The following GALNT13 variants were observed in gnomAD, a reference collection of about 807,000 sequenced individuals.
GALNT13 encodes the protein UDP-GalNAc:polypeptide N-acetylgalactosaminyltransferase 13.
Under a neutral mutation model 64.2 loss-of-function variants are expected in GALNT13, and 28 were observed. The ratio of observed to expected loss-of-function variants is 0.44; its 90% CI spans 0.32 to 0.60. GALNT13 has a LOEUF of 0.60. Ranked by LOEUF, GALNT13 falls within the 20% of genes least tolerant of loss-of-function variation. The pLI is 0.05. For missense variants in GALNT13, 577 were observed against 669.8 expected (o/e 0.86, Z 1.53); for synonymous variants, 214 against 224.6 (o/e 0.95, Z 0.42).
chr2:153,943,505 T>G lies in GALNT13; in HGVS notation c.-104-889T>G, dbSNP rs1441598593. Among the ~76,000 whole-genome samples the G allele has an allele frequency of 2.6e-5, 4 of 152,148 alleles. No homozygotes were observed. In the South Asian group the frequency reaches 6.2e-4, roughly 24 times the overall value. ...TATTTTTACGTATGTATGTATTTTT[T>G]TTTTTTGAGACAGAGTTTTGCTCTT... is the stretch of plus-strand genomic sequence containing the variant. On this transcript the variant is annotated intron_variant, in intron 2 of 12. Coordinates refer to ENST00000392825, the MANE Select transcript of GALNT13 (RefSeq NM_052917.4).
intron 4 of GALNT13, among the ~76,000 whole-genome samples, chr2:154,216,509 A>G (rs1451722112): frequency 6.6e-6 from 1 of 152,108 alleles, no homozygotes; most frequent in Non-Finnish European, 1.5e-5. Flanking sequence ...GATTATAACA[A>G]ATTATGAATG....
the GALNT13 span, among the ~76,000 whole-genome samples, chr2:153,215,130 G>T: frequency 6.6e-6 from 1 of 152,066 alleles, no homozygotes; most frequent in East Asian, 1.9e-4. Flanking sequence ...TTGCATTTTA[G>T]ATAATTAATT....
chr2:153,585,451 T>G, the GALNT13 span, among the ~76,000 whole-genome samples: 2 of 152,194 alleles, frequency 1.3e-5, no homozygotes, highest in African/African-American at 4.8e-5. Context: ...AACACACTCA[T>G]GAATTATTTG....
At chr2:154,170,222 C>T (rs1426647821) in intron 4 of GALNT13, among the ~76,000 whole-genome samples, 1 of 152,118 alleles carries the variant, frequency 6.6e-6, no homozygotes. Flanking sequence ...ATGGTGCCTG[C>T]CCACATTGGA....
At chr2:153,375,729 G>T in the GALNT13 span, among the ~76,000 whole-genome samples, 2 of 152,118 alleles carry the variant, frequency 1.3e-5, no homozygotes, top group Non-Finnish European at 2.9e-5. Context: ...GTCAGTAAAA[G>T]CTTCAAGTAG....
At chr2:153,218,332 G>A in the GALNT13 span, among the ~76,000 whole-genome samples, 1 of 152,122 alleles carries the variant, frequency 6.6e-6, no homozygotes, top group African/African-American at 2.4e-5. Context: ...TGGCTCTCAG[G>A]ATTATAACTT....
chr2:154,404,511 A>AG (rs1352135912), intron 10 of GALNT13, among the ~76,000 whole-genome samples: 1 of 152,204 alleles, frequency 6.6e-6, no homozygotes, highest in Non-Finnish European at 1.5e-5. Context: ...GAAAGCAATG[A>AG]GGTATTTGAT....
At chr2:153,990,885 A>G (rs1340773354) in intron 3 of GALNT13, among the ~76,000 whole-genome samples, 1 of 152,210 alleles carries the variant, frequency 6.6e-6, no homozygotes, top group African/African-American at 2.4e-5. Flanking sequence ...AGATTGAAAC[A>G]CAAAATTAGC....
chr2:153,468,739 C>A, the GALNT13 span, among the ~76,000 whole-genome samples: 1 of 151,888 alleles, frequency 6.6e-6, no homozygotes, highest in African/African-American at 2.4e-5. Context: ...GAGAAAATAT[C>A]AAAAATCTTA....
intron 12 of GALNT13, among the ~76,000 whole-genome samples, chr2:154,447,648 C>T (rs1701661425): frequency 6.6e-6 from 1 of 151,840 alleles, no homozygotes; most frequent in African/African-American, 2.4e-5. Flanking sequence ...GTGGAGGAAA[C>T]AATTGAGCTT....
At chr2:153,607,659 G>A in the GALNT13 span, among the ~76,000 whole-genome samples, 1 of 151,952 alleles carries the variant, frequency 6.6e-6, no homozygotes, top group African/African-American at 2.4e-5. Context: ...GTACAAAATT[G>A]AAGACAGAGG....
chr2:153,331,506 G>A, the GALNT13 span, among the ~76,000 whole-genome samples: 1 of 152,100 alleles, frequency 6.6e-6, no homozygotes, highest in Non-Finnish European at 1.5e-5. Context: ...AGGCTGAGGA[G>A]CAAGGAGAAC....
At chr2:153,767,711 G>A in the GALNT13 span, among the ~76,000 whole-genome samples, 1 of 151,544 alleles carries the variant, frequency 6.6e-6, no homozygotes, top group Non-Finnish European at 1.5e-5. Flanking sequence ...CTGATGTTGA[G>A]CATATTTTTA....
chr2:153,227,571 T>TA, the GALNT13 span, among the ~76,000 whole-genome samples: 1 of 152,174 alleles, frequency 6.6e-6, no homozygotes, highest in Admixed American at 6.5e-5. Context: ...GCTATTTTTT[T>TA]AAAAATTTTC....
the GALNT13 span, among the ~76,000 whole-genome samples, chr2:153,604,720 T>C: frequency 2.8e-3 from 428 of 152,184 alleles, 9 homozygotes; most frequent in Admixed American, 0.023. Context: ...GTATCTTTTA[T>C]GAATTATTTT....
chr2:153,620,576 A>G, the GALNT13 span, among the ~76,000 whole-genome samples: 5 of 151,984 alleles, frequency 3.3e-5, no homozygotes, highest in Non-Finnish European at 5.9e-5. Flanking sequence ...CAGTTTGCCA[A>G]TTGTATTTTT....
chr2:153,577,034 T>A, the GALNT13 span, among the ~76,000 whole-genome samples: 1 of 152,172 alleles, frequency 6.6e-6, no homozygotes, highest in Admixed American at 6.5e-5. Context: ...GGAACGGATA[T>A]GTGTGTATGT....
At chr2:153,377,967 G>T in the GALNT13 span, among the ~76,000 whole-genome samples, 3 of 151,980 alleles carry the variant, frequency 2.0e-5, no homozygotes, top group Admixed American at 6.6e-5. Context: ...TCAGCAAAGG[G>T]TATAATTTAT....
Position 154,417,521 on chromosome 2 carries a change from A to ATTTTTTTTTTTTT in GALNT13, c.1395+8446_1395+8447insTTTTTTTTTTTTT, listed in dbSNP as rs1238225224. Among the ~76,000 whole-genome samples, 44 of 139,128 alleles carry ATTTTTTTTTTTTT rather than the reference A, an allele frequency of 3.2e-4. No homozygotes were observed. The East Asian group carries it at 5.6e-3, about 18-fold the overall frequency. The allele number at this position is 139,128 out of a possible 152,430, so 91.3% of individuals were successfully genotyped here. On this transcript the variant is annotated intron_variant, in intron 11 of 12. Coordinates refer to ENST00000392825, the MANE Select transcript of GALNT13 (RefSeq NM_052917.4). ...TATTTATTTATTTATTTATTTATTTATTTTTTTGAGGCGGAGTCTTGCTCT... is the reference window on the plus strand; with the variant it reads ...TATTTATTTATTTATTTATTTATTTATTTTTTTTTTTTTTTTTTTTGAGGCGGAGTCTTGCTCT...
Sources: allele counts gnomAD v4.1 joint callset (sites outside exome capture counted in the v4.1 genomes callset), GRCh38; gene constraint gnomAD v4.1.1; transcripts MANE v1.5; gene names NCBI Gene and HGNC (gene_info 2026-07-23, HGNC 2026-07-21).